ROR1: variants seen among roughly 807,000 people sequenced by gnomAD.
ROR1 encodes inactive tyrosine-protein kinase transmembrane receptor ROR1.
A neutral mutation model predicts 78.8 loss-of-function variants in ROR1; 19 were observed. That is an observed-to-expected ratio of 0.24 (90% CI 0.17 to 0.35). The LOEUF (loss-of-function observed/expected upper bound fraction) is 0.35, where lower values mean the gene tolerates loss of function less well. Among genes scored for constraint, ROR1 ranks in the 10% least tolerant of loss-of-function variants. The probability of loss-of-function intolerance (pLI) is 1.00; values close to 1 mark genes in which losing one functional copy is unlikely to be tolerated. For synonymous variants in ROR1, 386 were observed against 433.6 expected (o/e 0.89, Z 1.36); for missense variants, 917 against 1,177.8 (o/e 0.78, Z 3.24).
In ROR1 at chr1:63,990,904, G is replaced by A. The variant is rs561953964; in HGVS notation, c.92-18401G>A. Reference sequence around the variant, plus strand: ...TATAAGGCACTATTATAGTTGAAAGGCATATTAAAACTATGTATAAATGAA... The same window carrying A: ...TATAAGGCACTATTATAGTTGAAAGACATATTAAAACTATGTATAAATGAA... On this transcript the variant is annotated intron_variant, in intron 1 of 8. Coordinates refer to ENST00000371079, the MANE Select transcript of ROR1 (RefSeq NM_005012.4). 2.0e-5 allele frequency among the ~76,000 whole-genome samples: 3 copies of A among 152,180 alleles called. No homozygotes were observed. In the East Asian group the frequency reaches 5.8e-4, roughly 29 times the overall value.
At chr1:64,035,501 C>A (rs1646694863) in intron 2 of ROR1, among the ~76,000 whole-genome samples, 3 of 152,236 alleles carry the variant, frequency 2.0e-5, no homozygotes, top group African/African-American at 7.2e-5. Context: ...AATTTATAAC[C>A]CTGTCCTTCT....
intron 1 of ROR1, among the ~76,000 whole-genome samples, chr1:63,977,392 T>C (rs547537535): frequency 3.9e-5 from 6 of 152,172 alleles, no homozygotes; most frequent in Non-Finnish European, 8.8e-5. Flanking sequence ...TGTGGTTTCA[T>C]GTTGGCGCTC....
At chr1:64,009,883 T>C (rs572657456) in intron 2 of ROR1, among the ~76,000 whole-genome samples, 2 of 152,176 alleles carry the variant, frequency 1.3e-5, no homozygotes, top group South Asian at 4.1e-4. Flanking sequence ...TGTTTAGCAT[T>C]AATTAAGCCC....
intron 2 of ROR1, among the ~76,000 whole-genome samples, chr1:64,020,865 G>A (rs974031627): frequency 3.3e-5 from 5 of 152,098 alleles, no homozygotes; most frequent in Admixed American, 2.6e-4. Flanking sequence ...GACAAACTTC[G>A]AAAATGTTGT....
rs143304753 is a variant in ROR1 at position 64,020,752 on chromosome 1, C to G, written c.163+11376C>G. Among the ~76,000 whole-genome samples, 477 of 152,158 alleles carry G rather than the reference C, an allele frequency of 3.1e-3. 3 individuals are homozygous for G. The highest frequency in any genetic ancestry group is 0.011 in the African/African-American group (456 of 41,500). On this transcript the variant is annotated intron_variant, in intron 2 of 8. Transcript: ENST00000371079. Reference sequence around the variant, plus strand: ...CAAACAGATTATTTGGGGATAAAGACCCACAAAAGAAGAAAGGCAGTAAAG... The same window carrying G: ...CAAACAGATTATTTGGGGATAAAGAGCCACAAAAGAAGAAAGGCAGTAAAG...
At chr1:63,940,675 A>G (rs955147024) in intron 1 of ROR1, among the ~76,000 whole-genome samples, 5 of 152,198 alleles carry the variant, frequency 3.3e-5, no homozygotes, top group African/African-American at 9.7e-5. Context: ...TTGGGCAAAA[A>G]TCATCAATGG....
intron 4 of ROR1, among the ~76,000 whole-genome samples, chr1:64,127,378 A>C (rs1403180390): frequency 6.6e-6 from 1 of 152,132 alleles, no homozygotes; most frequent in Non-Finnish European, 1.5e-5. Flanking sequence ...TCCTGGTACA[A>C]GGTAGGCGTA....
At chr1:63,962,302 C>G (rs1007515334) in intron 1 of ROR1, among the ~76,000 whole-genome samples, 9 of 152,136 alleles carry the variant, frequency 5.9e-5, no homozygotes, top group African/African-American at 1.4e-4. Flanking sequence ...ATTATAAGGT[C>G]TGTAAGAATA....
intron 4 of ROR1, among the ~76,000 whole-genome samples, chr1:64,127,799 A>C (rs12407334): frequency 0.21 from 31,719 of 152,076 alleles, 4,612 homozygotes; most frequent in East Asian, 0.54. Flanking sequence ...TAACTTGAAA[A>C]CCAAATTAGC....
At chr1:64,016,558 G>A (rs1646521936) in intron 2 of ROR1, among the ~76,000 whole-genome samples, 1 of 151,932 alleles carries the variant, frequency 6.6e-6, no homozygotes, top group Admixed American at 6.6e-5. Context: ...ACAATTGCTG[G>A]AACCTTAGGT....
At chr1:64,063,951 C>A (rs1213579593) in intron 4 of ROR1, among the ~76,000 whole-genome samples, 1 of 152,214 alleles carries the variant, frequency 6.6e-6, no homozygotes, top group Non-Finnish European at 1.5e-5. Flanking sequence ...CCAGCTCTAC[C>A]TTTCTCTCTC....
intron 4 of ROR1, among the ~76,000 whole-genome samples, chr1:64,058,757 T>C (rs1264020092): frequency 6.6e-6 from 1 of 152,162 alleles, no homozygotes; most frequent in Non-Finnish European, 1.5e-5. Flanking sequence ...TTGAGGATTT[T>C]TGAGTCCATG....
At chr1:64,052,032 A>C (rs555957159) in intron 4 of ROR1, among the ~76,000 whole-genome samples, 2 of 152,340 alleles carry the variant, frequency 1.3e-5, no homozygotes, top group East Asian at 3.9e-4. Flanking sequence ...CAGTTCTGCT[A>C]TTTCATCAGC....
Position 64,134,022 on chromosome 1 carries a change from G to A in ROR1, c.483-3347G>A, listed in dbSNP as rs540558836. 1.4e-3 allele frequency among the ~76,000 whole-genome samples: 206 copies of A among 152,234 alleles called. 2 individuals carry two copies. The highest frequency in any genetic ancestry group is 4.8e-3 in the African/African-American group (200 of 41,554). On this transcript the variant is annotated intron_variant, in intron 4 of 8. Coordinates refer to ENST00000371079, the MANE Select transcript of ROR1 (RefSeq NM_005012.4). ...CACCAAAGCTTCTCCACAGCAGAAA[G>A]CCCCTCTAAGCAGTGCAAAAACTCC...
intron 4 of ROR1, among the ~76,000 whole-genome samples, chr1:64,073,286 G>A (rs1647022229): frequency 6.6e-6 from 1 of 152,114 alleles, no homozygotes; most frequent in South Asian, 2.1e-4. Flanking sequence ...TGCCCAATCA[G>A]TCAGAAGATC....
intron 1 of ROR1, among the ~76,000 whole-genome samples, chr1:63,792,775 AACTT>A (rs923030362): frequency 1.6e-4 from 17 of 105,934 alleles, no homozygotes; most frequent in East Asian, 4.9e-4. Flanking sequence ...GGAAACTTGC[AACTT>A]ACTTAACTTC....
intron 1 of ROR1, among the ~76,000 whole-genome samples, chr1:64,002,798 A>T (rs1482571046): frequency 6.6e-6 from 1 of 152,192 alleles, no homozygotes; most frequent in African/African-American, 2.4e-5. Flanking sequence ...AATTGGTGAA[A>T]CAAACATTGA....
At chr1:63,869,174 G>T (rs1645235710) in intron 1 of ROR1, among the ~76,000 whole-genome samples, 1 of 152,104 alleles carries the variant, frequency 6.6e-6, no homozygotes, top group African/African-American at 2.4e-5. Flanking sequence ...TTGTTTTTTG[G>T]AACCATGAAA....
At chr1:64,143,210 A>G in intron 7 of ROR1, 2 of 990,180 alleles carry the variant, frequency 2.0e-6, no homozygotes, top group Non-Finnish European at 2.4e-6. Flanking sequence ...CTTTTTCTAG[A>G]AAATGTTTGG....
Sources: gnomAD v4.1 joint callset for allele counts (sites outside exome capture counted in the v4.1 genomes callset) on GRCh38, gnomAD v4.1.1 for gene constraint, MANE v1.5 for transcripts, NCBI Gene and HGNC (gene_info 2026-07-23, HGNC 2026-07-21) for gene names.